Variants in DGLUCY observed in about 807,000 individuals in gnomAD.
DGLUCY encodes D-glutamate cyclase, mitochondrial.
Under a neutral mutation model 58.5 loss-of-function variants are expected in DGLUCY, and 58 were observed. The ratio of observed to expected loss-of-function variants is 0.99; its 90% CI spans 0.80 to 1.23. DGLUCY has a LOEUF of 1.23. Among genes scored for constraint, DGLUCY ranks in the 50% most tolerant of loss-of-function variants. The pLI is 0.00. For synonymous variants in DGLUCY, 325 were observed against 314.1 expected, an observed-to-expected ratio of 1.03 and a Z score of -0.37; for missense variants, 779 against 784.7, an observed-to-expected ratio of 0.99 and a Z score of 0.09.
intron 1 of DGLUCY, among the ~76,000 whole-genome samples, chr14:91,080,566 T>C (rs1468815448): frequency 1.3e-5 from 2 of 152,140 alleles, no homozygotes; most frequent in African/African-American, 4.8e-5. Flanking sequence ...AGACGGGGTT[T>C]CACCATGTTG....
chr14:91,080,456 C>T (rs1210384703), intron 1 of DGLUCY, among the ~76,000 whole-genome samples: 2 of 152,180 alleles, frequency 1.3e-5, no homozygotes, highest in African/African-American at 2.4e-5. Context: ...CTGCAACTTC[C>T]ACCTCCCAGG....
At chr14:91,094,308 GCCTGTAAT>G (rs1464187473) in intron 1 of DGLUCY, among the ~76,000 whole-genome samples, 1 of 151,802 alleles carries the variant, frequency 6.6e-6, no homozygotes, top group Non-Finnish European at 1.5e-5. Context: ...GGTGGCAGGT[GCCTGTAAT>G]CCCAGCTACT....
intron 1 of DGLUCY, among the ~76,000 whole-genome samples, chr14:91,102,907 AC>A (rs976630964): frequency 2.0e-5 from 3 of 151,238 alleles, no homozygotes. Context: ...GATTGCAGGT[AC>A]CCCCCATCAT....
intron 1 of DGLUCY, among the ~76,000 whole-genome samples, chr14:91,070,038 G>A (rs1179231560): frequency 6.6e-6 from 1 of 152,072 alleles, no homozygotes; most frequent in Non-Finnish European, 1.5e-5. Flanking sequence ...TTTAGTATAG[G>A]TGATCTACAG....
chr14:91,202,332 G>A (rs2050622976), intron 11 of DGLUCY, among the ~76,000 whole-genome samples: 1 of 152,100 alleles, frequency 6.6e-6, no homozygotes. Context: ...AAGCCCCAAG[G>A]AGAACCTTTC....
intron 1 of DGLUCY, among the ~76,000 whole-genome samples, chr14:91,134,880 CATA>C (rs2046235307): frequency 6.6e-6 from 1 of 152,104 alleles, no homozygotes; most frequent in Non-Finnish European, 1.5e-5. Context: ...TCCACGCAAT[CATA>C]ATATCTGCAC....
chr14:91,215,447 A>T lies in DGLUCY; in HGVS notation c.1607A>T (p.Tyr536Phe), dbSNP rs1225153748. The T allele has an allele frequency of 1.2e-6, 2 of 1,614,160 alleles. No individual in the cohort carries two copies. Among genetic ancestry groups the T allele is most frequent in the South Asian group, 1.1e-5 (1 of 91,082 alleles). ...GGCTATGCCCTGGCCTGCGCACTCT[A>T]CATCCTGTACTCATGTGCTGTCCAC... ...WGGYALACAL[Y>F]ILYSCAVHSQ... is the part of the protein sequence containing the mutation. Residue 536 changes from tyrosine (Y) to phenylalanine (F), a missense_variant, in exon 13 of 14, where the codon TAC (tyrosine) becomes TTC (phenylalanine). Physicochemically the swap from Tyr to Phe is conservative, Grantham distance 22. Coordinates refer to ENST00000256324, the MANE Select transcript of DGLUCY (RefSeq NM_001102368.3).
intron 1 of DGLUCY, among the ~76,000 whole-genome samples, chr14:91,115,931 A>C (rs1386065925): frequency 6.6e-6 from 1 of 152,226 alleles, no homozygotes; most frequent in East Asian, 1.9e-4. Context: ...TGAGCTTTGC[A>C]TTCCTTGACC....
chr14:91,181,537 C>T lies in DGLUCY; in HGVS notation c.934+148C>T. ...AAATGTTGATACTGCATATAAATCT[C>T]AAAAAGACTAGAATTAAATACACCA... is the stretch of plus-strand genomic sequence containing the variant. On this transcript the variant is annotated intron_variant, in intron 8 of 13. Transcript: ENST00000256324. 2.1e-5 allele frequency: 16 copies of T among 755,572 alleles called. No individual in the cohort carries two copies. In the South Asian group the frequency reaches 3.0e-4, roughly 14 times the overall value. The allele number at this position is 755,572 out of a possible 1,614,324, so 46.8% of individuals were successfully genotyped here.
rs747894280 is a variant in DGLUCY, at chr14:91,167,298, C to T, written c.177C>T (p.Asn59=). The change falls in exon 4 of 14, where the codon AAC becomes AAT. Residue 59 remains asparagine (N), a synonymous_variant. Coordinates refer to ENST00000256324, the MANE Select transcript of DGLUCY (RefSeq NM_001102368.3). ...CTTTTGAAAGATTCTGCCAGGTCAA[C>T]ACTGGTCCTCTACCCCTGCTGGGCC... ...APAFERFCQV[N]TGPLPLLGQS... The T allele has an allele frequency of 2.5e-6, 4 of 1,613,826 alleles. No homozygotes were observed.
chr14:91,074,160 C>CAG (rs1555388291), intron 1 of DGLUCY, among the ~76,000 whole-genome samples: 1 of 136,120 alleles, frequency 7.3e-6, no homozygotes, highest in Non-Finnish European at 1.5e-5. Context: ...CACACACACA[C>CAG]AGTCAAGCAC....
intron 1 of DGLUCY, among the ~76,000 whole-genome samples, chr14:91,079,561 C>T (rs1486533650): frequency 1.3e-5 from 2 of 152,024 alleles, no homozygotes; most frequent in Non-Finnish European, 2.9e-5. Context: ...GCCATATGGG[C>T]CGGGCTGGTC....
rs1184843256 is a variant in DGLUCY, at chr14:91,072,975, C to A, written c.-82+12271C>A. On this transcript the variant is annotated intron_variant, in intron 1 of 4. Transcript: ENST00000521334. ...AGTGAGCCAAGATCATGCCACTGCA[C>A]TCCAGCCTGGGTGACAGCAAAAAAA... is the stretch of plus-strand genomic sequence containing the variant. Among the ~76,000 whole-genome samples, 13 of 152,146 alleles carry A rather than the reference C, an allele frequency of 8.5e-5. No individual in the cohort carries two copies. The East Asian group carries it at 2.3e-3, about 27-fold the overall frequency.
intron 3 of DGLUCY, among the ~76,000 whole-genome samples, chr14:91,164,369 C>T (rs972477944): frequency 2.6e-5 from 4 of 152,224 alleles, no homozygotes; most frequent in Non-Finnish European, 4.4e-5. Context: ...CCGTGATTAA[C>T]TTGTAATGTC....
intron 1 of DGLUCY, among the ~76,000 whole-genome samples, chr14:91,100,634 T>G (rs1210359543): frequency 6.6e-6 from 1 of 152,206 alleles, no homozygotes; most frequent in African/African-American, 2.4e-5. Context: ...CATCCCATCT[T>G]CTTCCACTGT....
At chr14:91,215,305 A>C in intron 12 of DGLUCY, 100 bp from the exon 13 acceptor site, 1 of 1,505,234 alleles carries the variant, frequency 6.6e-7, no homozygotes, top group Non-Finnish European at 8.9e-7. Flanking sequence ...GTGCTACGGG[A>C]CCGTGGACCA....
intron 1 of DGLUCY, among the ~76,000 whole-genome samples, chr14:91,086,535 A>G (rs1231381284): frequency 3.3e-5 from 5 of 152,164 alleles, no homozygotes; most frequent in African/African-American, 1.2e-4. Context: ...TCATTTAGGG[A>G]ATAATGACAA....
intron 3 of DGLUCY, chr14:91,165,141 A>G (rs994302718): frequency 4.8e-6 from 2 of 418,722 alleles, no homozygotes; most frequent in African/African-American, 2.1e-5. Flanking sequence ...TGTCCAACAC[A>G]TTGTTTCATT....
chr14:91,178,219 G>A (rs141378984), intron 7 of DGLUCY, among the ~76,000 whole-genome samples: 4 of 151,956 alleles, frequency 2.6e-5, no homozygotes, highest in African/African-American at 9.7e-5. Context: ...CAGGCTGAGT[G>A]CAGTGGCACG....
Sources: gnomAD v4.1 joint callset for allele counts (sites outside exome capture counted in the v4.1 genomes callset) on GRCh38, gnomAD v4.1.1 for gene constraint, MANE v1.5 for transcripts, NCBI Gene and HGNC (gene_info 2026-07-23, HGNC 2026-07-21) for gene names.